The following PCNX2 variants were observed in gnomAD, a reference collection of about 807,000 sequenced individuals.
The protein encoded by PCNX2 is pecanex-like protein 2.
PCNX2 carries 168 observed loss-of-function variants against 223.8 expected under a neutral mutation model. The observed-to-expected ratio is 0.75, with a 90% confidence interval of 0.66 to 0.85. The LOEUF (loss-of-function observed/expected upper bound fraction) is 0.85. Ranked by LOEUF, PCNX2 falls within the 40% of genes least tolerant of loss-of-function variation. The pLI, the probability that PCNX2 is intolerant of heterozygous loss-of-function variation, is 0.00. For synonymous variants in PCNX2, 1,006 were observed against 1,052.6 expected (o/e 0.96, Z 0.86); for missense variants, 2,507 against 2,675.5 (o/e 0.94, Z 1.39).
intron 23 of PCNX2, among the ~76,000 whole-genome samples, chr1:233,075,268 C>G (rs1191115840): frequency 6.6e-6 from 1 of 152,190 alleles, no homozygotes; most frequent in African/African-American, 2.4e-5. Context: ...ACTAATGACA[C>G]ATACAACTTG....
chr1:233,136,629 G>A (rs1456868727), intron 20 of PCNX2, among the ~76,000 whole-genome samples: 1 of 152,120 alleles, frequency 6.6e-6, no homozygotes, highest in Non-Finnish European at 1.5e-5. Flanking sequence ...AGAGCCCCCT[G>A]TGTTCCTGCA....
chr1:233,008,291 T>C (rs952709688), intron 28 of PCNX2, among the ~76,000 whole-genome samples: 1 of 152,192 alleles, frequency 6.6e-6, no homozygotes, highest in African/African-American at 2.4e-5. Context: ...GAACACGTGA[T>C]GTCCCCCAAA....
chr1:233,050,691 A>C (rs1055357439), intron 25 of PCNX2, among the ~76,000 whole-genome samples: 5 of 152,228 alleles, frequency 3.3e-5, no homozygotes, highest in African/African-American at 1.2e-4. Flanking sequence ...CCCAAGATTG[A>C]TTAAAGATTT....
intron 21 of PCNX2, among the ~76,000 whole-genome samples, chr1:233,100,151 G>A (rs537869327): frequency 2.0e-5 from 3 of 152,204 alleles, no homozygotes; most frequent in South Asian, 4.1e-4. Context: ...GGGGGCTCAC[G>A]CCTGTAATCC....
intron 18 of PCNX2, 67 bp downstream of exon 18, chr1:233,161,204 T>A: frequency 7.0e-7 from 1 of 1,431,282 alleles, no homozygotes; most frequent in Non-Finnish European, 9.8e-7. Flanking sequence ...ACCCTGTAGC[T>A]CCATGACAGC....
intron 8 of PCNX2, among the ~76,000 whole-genome samples, chr1:233,243,837 T>A (rs1389165962): frequency 6.7e-6 from 1 of 149,402 alleles, no homozygotes; most frequent in East Asian, 1.9e-4. Context: ...TTTTTTATTT[T>A]TTATTTTTTT....
intron 1 of PCNX2, among the ~76,000 whole-genome samples, chr1:233,271,374 A>C (rs1660628413): frequency 6.6e-6 from 1 of 152,232 alleles, no homozygotes; most frequent in African/African-American, 2.4e-5. Flanking sequence ...GAATTTTGGA[A>C]ATAGTTTTGG....
chr1:233,037,355 G>A (rs576897331), intron 25 of PCNX2, among the ~76,000 whole-genome samples: 4 of 152,134 alleles, frequency 2.6e-5, no homozygotes, highest in East Asian at 3.9e-4. Flanking sequence ...TTGTAGAGAC[G>A]GGGTCTGCCT....
In PCNX2 at chr1:233,193,497, A is replaced by G. The variant is rs183465774; in HGVS notation, c.3066+5442T>C. On this transcript the variant is annotated intron_variant, in intron 15 of 33. Transcript: ENST00000258229. ...ACTTCAGACTGTAGGAAAGAATTCT[A>G]CAAAAATTCAACAAAGAAATTTTAG... 2.0e-5 allele frequency among the ~76,000 whole-genome samples: 3 copies of G among 152,316 alleles called. No homozygotes were observed. In the East Asian group the frequency reaches 5.8e-4, roughly 29 times the overall value.
In PCNX2 at chr1:233,001,420, G is replaced by C; in HGVS notation, c.5097+117C>G. The C allele has an allele frequency of 1.8e-6, 1 of 564,764 alleles. No individual in the cohort carries two copies. Among genetic ancestry groups the C allele is most frequent in the Non-Finnish European group, 2.4e-6 (1 of 418,504 alleles). The allele number at this position is 564,764 out of a possible 1,614,324, so 35.0% of individuals were successfully genotyped here. A position where few individuals can be genotyped will look rare whatever the true frequency, so the allele number is the denominator to read the frequency against. The stretch of plus-strand genomic sequence containing the variant: ...CTTGAACCCGGGAGGTGGAGGTTGT[G>C]GTGAGCCGAGATTGTGCCATTGCAC... On this transcript the variant is annotated intron_variant, in intron 29 of 33. Transcript: ENST00000258229. This position sits in a 1 kb window ranked among gnomAD's most constrained non-coding sequence, Gnocchi z 4.2.
At chr1:233,093,012 G>A (rs542366974) in intron 22 of PCNX2, among the ~76,000 whole-genome samples, 6 of 152,104 alleles carry the variant, frequency 3.9e-5, no homozygotes, top group Admixed American at 1.3e-4. Flanking sequence ...TGTTAGCCAG[G>A]ATGGTCTCAA....
intron 22 of PCNX2, among the ~76,000 whole-genome samples, chr1:233,095,139 T>A (rs115048758): frequency 5.5e-4 from 84 of 152,324 alleles, no homozygotes; most frequent in Non-Finnish European, 1.1e-3. Flanking sequence ...TAGCTATCAA[T>A]GTCAAAGTGA....
chr1:233,178,607 C>T (rs1679620763), intron 16 of PCNX2, among the ~76,000 whole-genome samples: 2 of 152,182 alleles, frequency 1.3e-5, no homozygotes, highest in Admixed American at 6.5e-5. Context: ...TTGGGAACAA[C>T]AACAACAACA....
intron 8 of PCNX2, among the ~76,000 whole-genome samples, chr1:233,238,968 ATTT>A (rs1658591837): frequency 2.6e-5 from 4 of 152,218 alleles, no homozygotes; most frequent in Non-Finnish European, 2.9e-5. Context: ...GATTAGTTAG[ATTT>A]ATAAAAACAA....
intron 9 of PCNX2, chr1:233,231,656 G>T: frequency 5.1e-6 from 5 of 984,952 alleles, no homozygotes; most frequent in Non-Finnish European, 6.0e-6. Flanking sequence ...AGGAGTAGAA[G>T]AGTGAACAGT....
intron 17 of PCNX2, among the ~76,000 whole-genome samples, chr1:233,169,300 A>T (rs1678991082): frequency 6.6e-6 from 1 of 152,132 alleles, no homozygotes; most frequent in South Asian, 2.1e-4. Context: ...TATTTTGGAT[A>T]AATATTTGAT....
chr1:233,269,211 T>C (rs1660505265), intron 1 of PCNX2, among the ~76,000 whole-genome samples: 1 of 152,196 alleles, frequency 6.6e-6, no homozygotes, highest in South Asian at 2.1e-4. Flanking sequence ...ATAAAGTTCT[T>C]GAACTTAACT....
intron 8 of PCNX2, among the ~76,000 whole-genome samples, chr1:233,243,002 T>C (rs528646761): frequency 1.3e-5 from 2 of 152,334 alleles, no homozygotes; most frequent in East Asian, 3.9e-4. Flanking sequence ...TGTTAGGTAA[T>C]GTTACCAAAG....
chr1:233,262,782 A>ATG (rs1378575286), intron 2 of PCNX2, among the ~76,000 whole-genome samples, 176 bp downstream of exon 2: 1 of 152,238 alleles, frequency 6.6e-6, no homozygotes, highest in Non-Finnish European at 1.5e-5. Flanking sequence ...GAAGCCAGTT[A>ATG]AACCATCTTG....
Sources: allele counts gnomAD v4.1 joint callset (sites outside exome capture counted in the v4.1 genomes callset), GRCh38; gene constraint gnomAD v4.1.1; non-coding constraint Gnocchi (gnomAD v3.1); transcripts MANE v1.5; gene names NCBI Gene and HGNC (gene_info 2026-07-23, HGNC 2026-07-21).